POLR1B: variants seen among roughly 807,000 people sequenced by gnomAD.
POLR1B encodes the protein RNA polymerase I subunit B.
POLR1B carries 30 observed loss-of-function variants against 105.8 expected under a neutral mutation model. The observed-to-expected ratio is 0.28, with a 90% confidence interval of 0.21 to 0.38. POLR1B has a LOEUF of 0.38. POLR1B is among the 10% of genes least tolerant of loss of function. POLR1B has a pLI of 1.00. For missense variants in POLR1B, 976 were observed against 1,435.8 expected (o/e 0.68, Z 5.17); for synonymous variants, 485 against 505.1 (o/e 0.96, Z 0.53).
chr2:112,564,256 G>T, intron 9 of POLR1B, 110 bp from the exon 10 acceptor site: 2 of 1,303,202 alleles, frequency 1.5e-6, no homozygotes, highest in East Asian at 2.3e-5. Flanking sequence ...TAGAGACAAG[G>T]ATAATTTGAT....
intron 7 of POLR1B, among the ~76,000 whole-genome samples, chr2:112,554,905 G>A (rs1427609349): frequency 6.6e-6 from 1 of 152,202 alleles, no homozygotes; most frequent in East Asian, 1.9e-4. Context: ...CAGTGGCTGG[G>A]TGTGGTGGCT....
In POLR1B at chr2:112,542,589, A is replaced by C. The variant is rs755681997; in HGVS notation, c.95A>C (p.Lys32Thr). ...TATGGAATCCCGCGGGAACAGCAAA[A>C]GGCAGCGTTGCAGGAGCTGACGCGG... is the stretch of plus-strand genomic sequence containing the variant. The part of the protein sequence containing the change: ...PSYGIPREQQ[K>T]AALQELTRAH... The change falls in exon 1 of 15, where the codon AAG (lysine) becomes ACG (threonine). Residue 32 changes from lysine to threonine, a missense_variant. By Grantham distance (78) the Lys-to-Thr change is moderately conservative. Around this residue, in one of 12 missense-constraint regions of POLR1B, gnomAD observed 452 missense variants for 616.5 expected, o/e 0.73. Transcript: ENST00000263331. The C allele has an allele frequency of 2.0e-5, 32 of 1,614,074 alleles. No individual in the cohort carries two copies. The South Asian group carries it at 2.1e-4, about 11-fold the overall frequency.
rs1159053853 is a variant in POLR1B, at chr2:112,576,458, T to C, written c.*729T>C. On this transcript the variant is annotated 3_prime_UTR_variant, in exon 15 of 15. Coordinates refer to ENST00000263331, the MANE Select transcript of POLR1B (RefSeq NM_019014.6). Reference sequence around the variant, plus strand: ...TCCAGGCACCATGTTGTACAACAGATCTTTAGACCTTACTTGTCTTGCATA... The same window carrying C: ...TCCAGGCACCATGTTGTACAACAGACCTTTAGACCTTACTTGTCTTGCATA... 1 of 152,224 alleles carries C rather than the reference T, an allele frequency of 6.6e-6. No homozygotes were observed. Among genetic ancestry groups the C allele is most frequent in the East Asian group, 1.9e-4 (1 of 5,200 alleles). The allele number at this position is 152,224 out of a possible 1,614,324, so 9.4% of individuals were successfully genotyped here.
intron 11 of POLR1B, 44 bp downstream of exon 11, chr2:112,568,181 A>G: frequency 1.9e-6 from 3 of 1,552,888 alleles, no homozygotes; most frequent in South Asian, 2.3e-5. Flanking sequence ...GCTTGTTTGT[A>G]TAGTATACAA....
rs1375307393 is a variant in POLR1B at position 112,578,082 on chromosome 2, C to T, written c.*2353C>T. ...CTTCTATTTTTAGCAGCACTAAAAA[C>T]ATTCCCAAAAAAAATGTTTTTTAGC... On this transcript the variant is annotated 3_prime_UTR_variant, in exon 15 of 15. Coordinates refer to ENST00000263331, the MANE Select transcript of POLR1B (RefSeq NM_019014.6). Among the ~76,000 whole-genome samples the T allele has an allele frequency of 6.6e-6, 1 of 152,134 alleles. No individual in the cohort carries two copies. The highest frequency in any genetic ancestry group is 1.5e-5 in the Non-Finnish European group (1 of 68,008).
At chr2:112,549,526 G>A (rs1683252465) in intron 4 of POLR1B, 127 bp downstream of exon 4, 1 of 751,726 alleles carries the variant, frequency 1.3e-6, no homozygotes, top group South Asian at 2.5e-5. Context: ...TGGTAGGGAT[G>A]GGGTTTCACC....
At position 112,575,307 on chromosome 2, in the gene POLR1B, G is replaced by A. The variant is rs2104584110; in HGVS notation, c.2986G>A (p.Val996Met). 2 of 1,614,116 alleles carry A rather than the reference G, an allele frequency of 1.2e-6. No individual in the cohort carries two copies. The highest frequency in any genetic ancestry group is 1.7e-6 in the Non-Finnish European group (2 of 1,180,034). Residue 996 changes from valine to methionine, a missense_variant, in exon 15 of 15, where the codon GTG becomes ATG. Val to Met is a conservative substitution (Grantham distance 21). Coordinates refer to ENST00000263331, the MANE Select transcript of POLR1B (RefSeq NM_019014.6). This position sits in a 1 kb window ranked among gnomAD's most constrained non-coding sequence, Gnocchi z 5.3. ...ACTGGAAGCAGACATCTTCATAGGA[G>A]TGGTTTATTATCAGCGCTTACGCCA... ...LELEADIFIGVVYYQRLRHMV... is the reference protein window; with the variant it reads ...LELEADIFIGMVYYQRLRHMV...
intron 10 of POLR1B, among the ~76,000 whole-genome samples, chr2:112,566,788 A>G (rs1366326580): frequency 3.3e-5 from 5 of 149,808 alleles, no homozygotes; most frequent in Non-Finnish European, 1.5e-5. Flanking sequence ...GCTGCAGTGC[A>G]GTGGTGTGAT....
chr2:112,548,528 T>A (rs1558653832), intron 3 of POLR1B, among the ~76,000 whole-genome samples: 1 of 152,252 alleles, frequency 6.6e-6, no homozygotes, highest in African/African-American at 2.4e-5. Flanking sequence ...AATTTCTGGT[T>A]TCCAGAGCTT....
At chr2:112,549,492 T>TTTG in intron 4 of POLR1B, 93 bp downstream of exon 4, 1 of 1,021,366 alleles carries the variant, frequency 9.8e-7, no homozygotes, top group Admixed American at 3.7e-5. Context: ...CTTTGATATT[T>TTTG]TTGTTTCTTT....
rs574312175 is a variant in POLR1B, at chr2:112,547,679, A to G, written c.492+112A>G. ...GTGCTCCAATTTCTGGATAGGTGAA[A>G]GAGATATCAGTATCTTGCCTGCATA... On this transcript the variant is annotated intron_variant, in intron 3 of 14. Coordinates refer to ENST00000263331, the MANE Select transcript of POLR1B (RefSeq NM_019014.6). 1.7e-4 allele frequency: 201 copies of G among 1,212,282 alleles called. 3 individuals carry two copies. The East Asian group carries it at 4.4e-3, about 26-fold the overall frequency. The allele number at this position is 1,212,282 out of a possible 1,614,324, so 75.1% of individuals were successfully genotyped here.
chr2:112,579,208 CAAAAAAAAAAAAAAAAAAAA>C lies in POLR1B; in HGVS notation c.*3492_*3511del, dbSNP rs56190123. ...GGGCAACAGAGCAAGACTAGAGTCTCAAAAAAAAAAAAAAAAAAAAAAAAAAAAAAAAGGAAAGCAAAATT... is the reference window on the plus strand; with the variant it reads ...GGGCAACAGAGCAAGACTAGAGTCTCAAAAAAAAAAAAGGAAAGCAAAATT... On this transcript the variant is annotated 3_prime_UTR_variant, in exon 15 of 15. Transcript: ENST00000263331. Among the ~76,000 whole-genome samples, 536 of 58,736 alleles carry C rather than the reference CAAAAAAAAAAAAAAAAAAAA, an allele frequency of 9.1e-3. 9 individuals carry two copies. Among genetic ancestry groups the C allele is most frequent in the Non-Finnish European group, 0.01 (363 of 35,238 alleles). The allele number at this position is 58,736 out of a possible 152,430, so 38.5% of individuals were successfully genotyped here. A position where few individuals can be genotyped will look rare whatever the true frequency, so the allele number is the denominator to read the frequency against.
chr2:112,575,948 T>A lies in POLR1B; in HGVS notation c.*219T>A. ...GTTATCTTTGTTCAAAAAGTTCATG[T>A]CTTCTCAAAATATGAAATATTGATA... On this transcript the variant is annotated 3_prime_UTR_variant, in exon 15 of 15. Transcript: ENST00000263331. The surrounding 1 kb of genome is among the most constrained non-coding windows in gnomAD (Gnocchi z 5.3). 1.8e-6 allele frequency: 1 copy of A among 550,946 alleles called. No individual in the cohort carries two copies. The allele number at this position is 550,946 out of a possible 1,614,324, so 34.1% of individuals were successfully genotyped here.
At chr2:112,565,584 G>A (rs151085843) in intron 10 of POLR1B, among the ~76,000 whole-genome samples, 37 of 150,720 alleles carry the variant, frequency 2.5e-4, no homozygotes, top group African/African-American at 7.8e-4. Context: ...TTAGAGAGAC[G>A]GGTCTCACTC....
Position 112,574,986 on chromosome 2 carries a change from C to T in POLR1B, c.2665C>T (p.Gln889Ter). ...IGDKFASRHG[Q>*]KGILSRLWPA... ...AGATAAATTTGCCAGTCGCCATGGG[C>T]AGAAGGGCATTTTAAGCAGATTGTG... is the stretch of plus-strand genomic sequence containing the variant. Residue 889 changes from glutamine (Q) to a stop codon, truncating the protein, a stop_gained, in exon 15 of 15, where the codon CAG becomes TAG. Transcript: ENST00000263331. LOFTEE classifies it high-confidence loss of function. 6.2e-7 allele frequency: 1 copy of T among 1,614,132 alleles called. No homozygotes were observed.
chr2:112,542,914 G>C (rs1356170942), intron 1 of POLR1B: 1 of 597,348 alleles, frequency 1.7e-6, no homozygotes, highest in Admixed American at 3.0e-5. Context: ...CCGTAGTTTG[G>C]ACAGTTTCGG....
At chr2:112,570,987 C>T (rs1374440347) in intron 12 of POLR1B, among the ~76,000 whole-genome samples, 1 of 152,048 alleles carries the variant, frequency 6.6e-6, no homozygotes, top group Admixed American at 6.6e-5. Context: ...ATCATGTTGG[C>T]CAGGCTGGTC....
At chr2:112,560,881 A>T (rs1234634217) in intron 9 of POLR1B, among the ~76,000 whole-genome samples, 2 of 151,980 alleles carry the variant, frequency 1.3e-5, no homozygotes, top group African/African-American at 4.8e-5. Flanking sequence ...ACATGGTGAA[A>T]CCCCATCTCT....
At chr2:112,543,890 C>T (rs1682895231) in intron 1 of POLR1B, among the ~76,000 whole-genome samples, 2 of 151,982 alleles carry the variant, frequency 1.3e-5, no homozygotes, top group Non-Finnish European at 2.9e-5. Context: ...TCAAGACCAG[C>T]TTGGATAACA....
Sources: allele counts gnomAD v4.1 joint callset (sites outside exome capture counted in the v4.1 genomes callset), GRCh38; gene constraint gnomAD v4.1.1; regional missense constraint gnomAD v4.1.1; non-coding constraint Gnocchi (gnomAD v3.1); transcripts MANE v1.5; gene names NCBI Gene and HGNC (gene_info 2026-07-23, HGNC 2026-07-21).